SMARCA5: variants seen among roughly 807,000 people sequenced by gnomAD.
SMARCA5 encodes the protein SWI/SNF-related matrix-associated actin-dependent regulator of chromatin subfamily A member 5.
In SMARCA5, 18 loss-of-function variants were observed where a neutral mutation model predicts 140.4. That is an observed-to-expected ratio of 0.13 (90% confidence interval 0.09 to 0.19). The LOEUF is 0.19. Ranked by LOEUF, SMARCA5 falls within the 10% of genes least tolerant of loss-of-function variation. The pLI is 1.00. For synonymous variants in SMARCA5, 449 were observed against 419.6 expected (o/e 1.07, Z -0.86); for missense variants, 606 against 1,276.8 (o/e 0.47, Z 8.01).
At chr4:143,514,189 C>G in intron 1 of SMARCA5, 88 bp downstream of exon 1, 1 of 1,245,370 alleles carries the variant, frequency 8.0e-7, no homozygotes, top group South Asian at 1.5e-5. Context: ...GACGCAGAGC[C>G]GGGTTTCTCT....
At chr4:143,521,895 A>G (rs1320278312) in intron 3 of SMARCA5, among the ~76,000 whole-genome samples, 3 of 138,922 alleles carry the variant, frequency 2.2e-5, no homozygotes, top group African/African-American at 5.1e-5. Context: ...CATCTCTACA[A>G]AAAAAAAAAA....
intron 9 of SMARCA5, among the ~76,000 whole-genome samples, chr4:143,532,155 C>T (rs1737200176): frequency 6.6e-6 from 1 of 152,148 alleles, no homozygotes; most frequent in African/African-American, 2.4e-5. Flanking sequence ...CTTTAAAATT[C>T]TTAAATATTG....
intron 1 of SMARCA5, among the ~76,000 whole-genome samples, chr4:143,515,165 A>G (rs1736801672): frequency 6.6e-6 from 1 of 152,236 alleles, no homozygotes; most frequent in Non-Finnish European, 1.5e-5. Flanking sequence ...TTGATGCAGA[A>G]TCATTATACA....
chr4:143,543,135 G>A (rs969718539), intron 14 of SMARCA5, among the ~76,000 whole-genome samples: 5 of 152,108 alleles, frequency 3.3e-5, no homozygotes, highest in Non-Finnish European at 7.3e-5. Flanking sequence ...GCTGATTTGG[G>A]GAGTATTAGT....
At chr4:143,520,730 A>G (rs893024582) in intron 2 of SMARCA5, among the ~76,000 whole-genome samples, 5 of 152,080 alleles carry the variant, frequency 3.3e-5, no homozygotes, top group Non-Finnish European at 7.4e-5. Context: ...TTGTTTTTGT[A>G]TAAAGGCTGC....
intron 1 of SMARCA5, among the ~76,000 whole-genome samples, chr4:143,516,619 C>G (rs1736842341): frequency 6.6e-5 from 10 of 152,124 alleles, no homozygotes; most frequent in Admixed American, 6.5e-4. Flanking sequence ...ACCTTCTATT[C>G]CAGTACCGTA....
intron 3 of SMARCA5, among the ~76,000 whole-genome samples, chr4:143,521,857 G>A (rs577488244): frequency 8.3e-6 from 1 of 120,488 alleles, no homozygotes; most frequent in East Asian, 2.5e-4. Flanking sequence ...GGGAGTATGA[G>A]AGCAGCCTGG....
chr4:143,546,010 A>T lies in SMARCA5; in HGVS notation c.2483A>T (p.Asp828Val), dbSNP rs1737516514. ...LKIDEAESLN[D>V]EELEEKEKLL... The stretch of plus-strand genomic sequence containing the variant: ...ATTGATGAAGCTGAATCCCTTAATG[A>T]TGAAGAGTTAGAGGAAAAAGAGAAG... The change falls in exon 19 of 24, where the codon GAT becomes GTT. Residue 828 changes from aspartate to valine, a missense_variant. Physicochemically the swap from Asp to Val is radical, Grantham distance 152. Transcript: ENST00000283131. 1 of 1,609,794 alleles carries T rather than the reference A, an allele frequency of 6.2e-7. No individual in the cohort carries two copies. The highest frequency in any genetic ancestry group is 1.1e-5 in the South Asian group (1 of 90,602).
At chr4:143,544,667 TC>T in intron 16 of SMARCA5, 69 bp from the exon 17 acceptor site, 1 of 860,666 alleles carries the variant, frequency 1.2e-6, no homozygotes, top group Non-Finnish European at 1.9e-6. Flanking sequence ...TTTACAAACA[TC>T]CTTCTTGATG....
At position 143,545,508 on chromosome 4, in the gene SMARCA5, C is replaced by T. The variant is rs1737506604; in HGVS notation, c.2322C>T (p.Phe774=). 1.2e-6 allele frequency: 2 copies of T among 1,613,196 alleles called. No individual in the cohort carries two copies. The highest frequency in any genetic ancestry group is 1.7e-6 in the Non-Finnish European group (2 of 1,179,504). ...CAAAACAACCCAATGTTCAGGATTT[C>T]CAGTTCTTTCCTCCACGTTTATTTG... The part of the protein sequence containing the change: ...RPPKQPNVQD[F]QFFPPRLFEL... Residue 774 remains phenylalanine (F), a synonymous_variant, in exon 18 of 24, where the codon TTC becomes TTT. Coordinates refer to ENST00000283131, the MANE Select transcript of SMARCA5 (RefSeq NM_003601.4).
intron 10 of SMARCA5, among the ~76,000 whole-genome samples, chr4:143,535,932 T>C (rs899140714): frequency 6.6e-6 from 1 of 152,130 alleles, no homozygotes; most frequent in Non-Finnish European, 1.5e-5. Context: ...CTCCCCCATG[T>C]ATTTATACGT....
Position 143,514,052 on chromosome 4 carries a change from A to C in SMARCA5, c.128A>C (p.Gln43Pro). The change falls in exon 1 of 24, where the codon CAG becomes CCG. Residue 43 changes from glutamine (Q) to proline (P), a missense_variant. By Grantham distance (76) the Gln-to-Pro change is moderately conservative. Coordinates refer to ENST00000283131, the MANE Select transcript of SMARCA5 (RefSeq NM_003601.4). ...NKGGPEGVAA[Q>P]AVASAASAGP... is the part of the protein sequence containing the mutation. The stretch of plus-strand genomic sequence containing the variant: ...GGCGGCCCCGAAGGCGTCGCGGCGC[A>C]GGCGGTTGCGTCTGCGGCCAGCGCT... The C allele has an allele frequency of 2.6e-6, 4 of 1,559,904 alleles. No homozygotes were observed. Among genetic ancestry groups the C allele is most frequent in the Non-Finnish European group, 3.4e-6 (4 of 1,161,396 alleles).
At chr4:143,528,100 T>C (rs1291685333) in intron 7 of SMARCA5, 77 bp downstream of exon 7, 1 of 1,158,784 alleles carries the variant, frequency 8.6e-7, no homozygotes, top group Non-Finnish European at 1.2e-6. Context: ...CTTTTAACTT[T>C]AAGTTATGAG....
chr4:143,543,770 G>T, intron 15 of SMARCA5, 83 bp from the exon 16 acceptor site: 1 of 1,513,454 alleles, frequency 6.6e-7, no homozygotes, highest in Non-Finnish European at 9.0e-7. Flanking sequence ...AAGCTTTTGT[G>T]TACGTGAAGT....
chr4:143,528,515 G>T lies in SMARCA5; in HGVS notation c.958-68G>T. On this transcript the variant is annotated intron_variant, in intron 7 of 23. Coordinates refer to ENST00000283131, the MANE Select transcript of SMARCA5 (RefSeq NM_003601.4). ...TGTTGGGCATTTGTGTTGGTTCCAG[G>T]TCTTTGCTGTTGTAGATAATGCAAT... is the stretch of plus-strand genomic sequence containing the variant. The T allele has an allele frequency of 4.3e-6, 6 of 1,405,546 alleles. No individual in the cohort carries two copies. In the South Asian group the frequency reaches 5.4e-5, roughly 13 times the overall value. The allele number at this position is 1,405,546 out of a possible 1,614,324, so 87.1% of individuals were successfully genotyped here.
At chr4:143,546,381 C>T (rs530620856) in intron 19 of SMARCA5, among the ~76,000 whole-genome samples, 97 of 152,172 alleles carry the variant, frequency 6.4e-4, no homozygotes, top group African/African-American at 2.3e-3. Flanking sequence ...TTTTAAACAT[C>T]CTTTGGTGTT....
In SMARCA5 at chr4:143,547,370, G is replaced by A; in HGVS notation, c.2654-15G>A. On this transcript the variant is annotated splice_polypyrimidine_tract_variant and intron_variant, in intron 20 of 23. Coordinates refer to ENST00000283131, the MANE Select transcript of SMARCA5 (RefSeq NM_003601.4). ...AAAATATAAATGATTTGTTTACTTTGTCCAACTTTTACAGCTGTGTTTTGG... is the reference window on the plus strand; with the variant it reads ...AAAATATAAATGATTTGTTTACTTTATCCAACTTTTACAGCTGTGTTTTGG... 2 of 1,302,152 alleles carry A rather than the reference G, an allele frequency of 1.5e-6. No individual in the cohort carries two copies. The highest frequency in any genetic ancestry group is 2.2e-6 in the Non-Finnish European group (2 of 910,824). The allele number at this position is 1,302,152 out of a possible 1,614,324, so 80.7% of individuals were successfully genotyped here.
rs189172098 is a variant in SMARCA5, at chr4:143,527,292, T to C, written c.802-576T>C. ...TGTGTACTTGTTTTTTATTTCCTCT[T>C]CATTTACCTGTGAGTGATAAGTCTA... is the stretch of plus-strand genomic sequence containing the variant. On this transcript the variant is annotated intron_variant, in intron 6 of 23. Coordinates refer to ENST00000283131, the MANE Select transcript of SMARCA5 (RefSeq NM_003601.4). Among the ~76,000 whole-genome samples the C allele has an allele frequency of 2.5e-4, 38 of 152,348 alleles. No individual in the cohort carries two copies. The East Asian group carries it at 3.7e-3, about 15-fold the overall frequency.
At chr4:143,519,402 A>G (rs1560810815) in intron 2 of SMARCA5, among the ~76,000 whole-genome samples, 1 of 151,958 alleles carries the variant, frequency 6.6e-6, no homozygotes, top group Non-Finnish European at 1.5e-5. Context: ...GTGCTTCTGT[A>G]TTTGCCTCCT....
Sources: gnomAD v4.1 joint callset for allele counts (sites outside exome capture counted in the v4.1 genomes callset) on GRCh38, gnomAD v4.1.1 for gene constraint, MANE v1.5 for transcripts, NCBI Gene and HGNC (gene_info 2026-07-23, HGNC 2026-07-21) for gene names.